The following HS2ST1 variants were observed in gnomAD, a reference collection of about 807,000 sequenced individuals.
The protein encoded by HS2ST1 is 2-O-sulfotransferase.
A neutral mutation model predicts 42.9 loss-of-function variants in HS2ST1; 18 were observed. The ratio of observed to expected loss-of-function variants is 0.42; its 90% CI spans 0.29 to 0.62. The LOEUF (loss-of-function observed/expected upper bound fraction) is 0.62, where lower values mean the gene tolerates loss of function less well. Among genes scored for constraint, HS2ST1 ranks in the 20% least tolerant of loss-of-function variants. HS2ST1 has a pLI of 0.21. For synonymous variants in HS2ST1, 146 were observed against 152.9 expected (o/e 0.95, Z 0.33); for missense variants, 334 against 433.8 (o/e 0.77, Z 2.04).
chr1:87,077,977 A>G (rs552625685), intron 2 of HS2ST1, among the ~76,000 whole-genome samples: 79 of 152,220 alleles, frequency 5.2e-4, no homozygotes, highest in African/African-American at 1.7e-3. Flanking sequence ...TTTTTATCCA[A>G]CCACTACTTT....
intron 1 of HS2ST1, among the ~76,000 whole-genome samples, chr1:87,028,016 A>G (rs993664478): frequency 1.3e-4 from 20 of 152,350 alleles, no homozygotes; most frequent in African/African-American, 4.8e-4. Context: ...AAATGTTAAG[A>G]AATGCTACCT....
chr1:86,961,189 C>A lies in HS2ST1; in HGVS notation c.124+46029C>A, dbSNP rs1180610462. The stretch of plus-strand genomic sequence containing the variant: ...AGATTGAGGTTACAGTGAGCTATGA[C>A]CACACCACTGTACCCCAGCCTGGGT... On this transcript the variant is annotated intron_variant, in intron 1 of 6. Coordinates refer to ENST00000370550, the MANE Select transcript of HS2ST1 (RefSeq NM_012262.4). Among the ~76,000 whole-genome samples the A allele has an allele frequency of 4.0e-5, 6 of 151,388 alleles. No homozygotes were observed. In the South Asian group the frequency reaches 1.3e-3, roughly 32 times the overall value.
chr1:86,955,943 C>G (rs1647664905), intron 1 of HS2ST1, among the ~76,000 whole-genome samples: 1 of 152,104 alleles, frequency 6.6e-6, no homozygotes. Context: ...GAGCTGTGAT[C>G]CTGCCACTGT....
intron 1 of HS2ST1, among the ~76,000 whole-genome samples, chr1:86,971,847 G>T (rs1011062958): frequency 1.3e-5 from 2 of 152,000 alleles, no homozygotes; most frequent in Admixed American, 6.6e-5. Flanking sequence ...AAAAAAAAAT[G>T]CAAAAGTATT....
chr1:87,081,714 A>G (rs1313350222), intron 2 of HS2ST1, among the ~76,000 whole-genome samples: 2 of 152,136 alleles, frequency 1.3e-5, no homozygotes, highest in African/African-American at 4.8e-5. Flanking sequence ...TGAAACAAAA[A>G]AATACAAAAA....
intron 1 of HS2ST1, chr1:87,044,935 C>G (rs762335393): frequency 3.8e-6 from 6 of 1,570,408 alleles, no homozygotes; most frequent in African/African-American, 1.4e-5. Context: ...TCTGTTCAAT[C>G]TAATGCTATG....
intron 1 of HS2ST1, among the ~76,000 whole-genome samples, chr1:86,975,337 G>A (rs1458551114): frequency 2.7e-5 from 4 of 149,820 alleles, no homozygotes; most frequent in African/African-American, 9.9e-5. Context: ...AAGTACTGTT[G>A]TAATTTATAG....
At chr1:87,012,484 C>T (rs1382522246) in intron 1 of HS2ST1, among the ~76,000 whole-genome samples, 1 of 152,106 alleles carries the variant, frequency 6.6e-6, no homozygotes, top group Non-Finnish European at 1.5e-5. Context: ...AGGAAAGATC[C>T]ACCCCCATGA....
chr1:87,029,809 C>T (rs1424020646), intron 1 of HS2ST1, among the ~76,000 whole-genome samples: 5 of 152,046 alleles, frequency 3.3e-5, no homozygotes, highest in Admixed American at 2.0e-4. Context: ...ATGAGGAAGT[C>T]AAAGCTTCAG....
At chr1:86,964,091 A>T (rs1265678226) in intron 1 of HS2ST1, among the ~76,000 whole-genome samples, 2 of 147,644 alleles carry the variant, frequency 1.4e-5, no homozygotes, top group Non-Finnish European at 3.0e-5. Context: ...GGCGGGGCAG[A>T]GGCATTCCCC....
At chr1:87,027,782 A>G (rs1391207715) in intron 1 of HS2ST1, among the ~76,000 whole-genome samples, 2 of 152,158 alleles carry the variant, frequency 1.3e-5, no homozygotes, top group Non-Finnish European at 2.9e-5. Flanking sequence ...TCTGCCTCCT[A>G]AGTTCAAGAG....
chr1:86,958,246 C>T (rs957750211), intron 1 of HS2ST1, among the ~76,000 whole-genome samples: 2 of 152,204 alleles, frequency 1.3e-5, no homozygotes, highest in Admixed American at 6.5e-5. Context: ...GGAAGACTCA[C>T]CGATAACATT....
At chr1:86,957,069 G>A (rs1013461612) in intron 1 of HS2ST1, among the ~76,000 whole-genome samples, 4 of 152,150 alleles carry the variant, frequency 2.6e-5, no homozygotes, top group African/African-American at 9.7e-5. Flanking sequence ...ATCACAATTA[G>A]CAAGTGAGTT....
chr1:87,092,701 A>G (rs1323530606), intron 4 of HS2ST1, 32 bp downstream of exon 4: 2 of 1,420,466 alleles, frequency 1.4e-6, no homozygotes, highest in Admixed American at 2.5e-5. Flanking sequence ...TTTTATAAAG[A>G]TAATTGTTTA....
chr1:87,101,427 A>G (rs1015546098), intron 5 of HS2ST1, among the ~76,000 whole-genome samples: 1 of 151,750 alleles, frequency 6.6e-6, no homozygotes, highest in African/African-American at 2.4e-5. Flanking sequence ...CGGCCTCCCA[A>G]AGTGCTGGGA....
At chr1:87,069,252 A>G (rs1389453730) in intron 1 of HS2ST1, among the ~76,000 whole-genome samples, 4 of 152,230 alleles carry the variant, frequency 2.6e-5, no homozygotes, top group Non-Finnish European at 5.9e-5. Context: ...TTCAAGGGTG[A>G]ACTGCAATTT....
At chr1:87,014,339 C>T (rs562556856) in intron 1 of HS2ST1, among the ~76,000 whole-genome samples, 3 of 152,128 alleles carry the variant, frequency 2.0e-5, no homozygotes, top group Non-Finnish European at 4.4e-5. Context: ...GGGGAACTCC[C>T]CTTTATAAAA....
At chr1:87,019,109 A>G (rs989815880) in intron 1 of HS2ST1, among the ~76,000 whole-genome samples, 5 of 152,214 alleles carry the variant, frequency 3.3e-5, no homozygotes, top group South Asian at 2.1e-4. Flanking sequence ...TCAATCAGCA[A>G]TGTGGTGTTA....
chr1:86,961,646 A>G (rs1015813349), intron 1 of HS2ST1, among the ~76,000 whole-genome samples: 4 of 152,158 alleles, frequency 2.6e-5, no homozygotes, highest in African/African-American at 9.6e-5. Flanking sequence ...TGTCAAATGT[A>G]CTTTTCTGTG....
Sources: gnomAD v4.1 joint callset for allele counts (sites outside exome capture counted in the v4.1 genomes callset) on GRCh38, gnomAD v4.1.1 for gene constraint, MANE v1.5 for transcripts, NCBI Gene and HGNC (gene_info 2026-07-23, HGNC 2026-07-21) for gene names.